The following ALK variants were observed in gnomAD, a reference collection of about 807,000 sequenced individuals.
ALK encodes ALK tyrosine kinase receptor.
Under a neutral mutation model 163.1 loss-of-function variants are expected in ALK, and 74 were observed. The ratio of observed to expected loss-of-function variants is 0.45; its 90% CI spans 0.38 to 0.55. The LOEUF is 0.55. Ranked by LOEUF, ALK falls within the 20% of genes least tolerant of loss-of-function variation. The pLI, the probability that ALK is intolerant of heterozygous loss-of-function variation, is 0.00. For synonymous variants in ALK, 960 were observed against 843.2 expected, an observed-to-expected ratio of 1.14 and a Z score of -2.40; for missense variants, 2,063 against 2,105.3, an observed-to-expected ratio of 0.98 and a Z score of 0.39.
chr2:29,739,147 G>A (rs1310879304), intron 1 of ALK, among the ~76,000 whole-genome samples: 2 of 148,046 alleles, frequency 1.4e-5, no homozygotes, highest in African/African-American at 2.5e-5. Flanking sequence ...CCTGAAGCAG[G>A]GAGATCACTG....
chr2:29,874,671 G>T (rs1448171693), intron 1 of ALK, among the ~76,000 whole-genome samples: 1 of 152,146 alleles, frequency 6.6e-6, no homozygotes, highest in Non-Finnish European at 1.5e-5. Context: ...AAATATACAT[G>T]GGAAAATCAT....
chr2:29,871,754 A>G (rs1211594825), intron 1 of ALK, among the ~76,000 whole-genome samples: 4 of 152,226 alleles, frequency 2.6e-5, no homozygotes, highest in Non-Finnish European at 4.4e-5. Context: ...ACATAGGAGA[A>G]AAACTGAAGT....
In ALK at chr2:29,920,049, A is replaced by C. The variant is rs1426655261; in HGVS notation, c.611T>G (p.Leu204Arg). 1.2e-6 allele frequency: 2 copies of C among 1,614,056 alleles called. No homozygotes were observed. Among genetic ancestry groups the C allele is most frequent in the African/African-American group, 1.3e-5 (1 of 74,960 alleles). ...CTGGGAGGCGCGAATTGCCGCGGAC[A>C]GCCTTCCCTCTCTGCCCACTTCCGA... is the stretch of plus-strand genomic sequence containing the variant. ...KASEVGREGR[L>R]SAAIRASQPR... Residue 204 changes from leucine (L) to arginine (R), a missense_variant, in exon 1 of 29, where the codon CTG (leucine) becomes CGG (arginine). Leu to Arg is a moderately radical substitution (Grantham distance 102, BLOSUM62 -2). Around this residue, in one of 5 missense-constraint regions of ALK, gnomAD observed 987 missense variants for 939.5 expected, o/e 1.05. Coordinates refer to ENST00000389048, the MANE Select transcript of ALK (RefSeq NM_004304.5).
intron 3 of ALK, among the ~76,000 whole-genome samples, chr2:29,658,298 C>A (rs147926082): frequency 1.5e-4 from 23 of 152,300 alleles, no homozygotes; most frequent in Non-Finnish European, 3.1e-4. Context: ...TCTCACTGAT[C>A]AGCTTGGAGC....
chr2:29,249,907 A>G (rs1195915924), intron 12 of ALK, among the ~76,000 whole-genome samples: 3 of 152,208 alleles, frequency 2.0e-5, no homozygotes, highest in Non-Finnish European at 4.4e-5. Context: ...ATCTCGTTAT[A>G]GCATTTCTGC....
chr2:29,738,833 A>G (rs1480524180), intron 1 of ALK, among the ~76,000 whole-genome samples: 1 of 152,152 alleles, frequency 6.6e-6, no homozygotes, highest in Non-Finnish European at 1.5e-5. Flanking sequence ...ATGAAACCAT[A>G]GTCAGAACAC....
In ALK at chr2:29,407,662, T is replaced by C. The variant is rs566178707; in HGVS notation, c.1155-23803A>G. On this transcript the variant is annotated intron_variant, in intron 4 of 28. Transcript: ENST00000389048. ...CAAAGTAAGGGAGTAGGTCTAGGGC[T>C]TTCCTTGGTCCATTCAGTTCTCACA... 1.8e-4 allele frequency among the ~76,000 whole-genome samples: 28 copies of C among 152,352 alleles called. 1 individual carries two copies. In the South Asian group the frequency reaches 5.6e-3, roughly 30 times the overall value.
At chr2:29,481,435 C>T (rs1330496260) in intron 4 of ALK, among the ~76,000 whole-genome samples, 1 of 152,204 alleles carries the variant, frequency 6.6e-6, no homozygotes, top group Non-Finnish European at 1.5e-5. Flanking sequence ...ATACACTTCA[C>T]ATTTAATTTG....
At chr2:29,755,322 C>T (rs1336025966) in intron 1 of ALK, among the ~76,000 whole-genome samples, 2 of 152,196 alleles carry the variant, frequency 1.3e-5, no homozygotes, top group Non-Finnish European at 2.9e-5. Flanking sequence ...ATGACTTTGC[C>T]AGGAAGCTCT....
At chr2:29,735,020 TA>T (rs1440470277) in intron 1 of ALK, among the ~76,000 whole-genome samples, 6 of 152,240 alleles carry the variant, frequency 3.9e-5, no homozygotes, top group African/African-American at 1.4e-4. Context: ...TGGATCATTT[TA>T]TTTTTTTATT....
intron 4 of ALK, among the ~76,000 whole-genome samples, chr2:29,417,752 T>A (rs1669915537): frequency 6.6e-6 from 1 of 152,204 alleles, no homozygotes; most frequent in Admixed American, 6.5e-5. Flanking sequence ...CTCAGGGCTA[T>A]CCCATCCTTT....
intron 1 of ALK, among the ~76,000 whole-genome samples, chr2:29,881,447 A>G (rs1403781489): frequency 2.6e-5 from 4 of 152,222 alleles, no homozygotes; most frequent in Admixed American, 6.5e-5. Context: ...TCCAGGATGC[A>G]AGAAAGATAG....
intron 23 of ALK, among the ~76,000 whole-genome samples, chr2:29,214,459 C>CAA (rs1669548251): frequency 3.3e-5 from 5 of 152,296 alleles, no homozygotes; most frequent in Admixed American, 2.6e-4. Context: ...TGAATACCCC[C>CAA]AATTTATAAA....
chr2:29,510,408 C>T (rs958464765), intron 4 of ALK, among the ~76,000 whole-genome samples: 4 of 152,110 alleles, frequency 2.6e-5, no homozygotes, highest in African/African-American at 9.7e-5. Flanking sequence ...AAGCATAAAA[C>T]ATGGCCCCAA....
At chr2:29,516,482 G>A (rs1672669263) in intron 4 of ALK, among the ~76,000 whole-genome samples, 1 of 152,218 alleles carries the variant, frequency 6.6e-6, no homozygotes, top group Admixed American at 6.5e-5. Context: ...ATGTCGGGGA[G>A]ATGGTCTCTT....
intron 23 of ALK, among the ~76,000 whole-genome samples, chr2:29,217,195 T>A (rs1319061333): frequency 6.6e-6 from 1 of 150,490 alleles, no homozygotes; most frequent in Non-Finnish European, 1.5e-5. Context: ...ACATGTGTGG[T>A]GTTTTGTGTG....
At chr2:29,690,701 C>G (rs1334225658) in intron 3 of ALK, among the ~76,000 whole-genome samples, 1 of 152,090 alleles carries the variant, frequency 6.6e-6, no homozygotes, top group Non-Finnish European at 1.5e-5. Flanking sequence ...TTGTATCTTC[C>G]TTATTATTCT....
In ALK at chr2:29,695,021, T is replaced by C. The variant is rs770622974; in HGVS notation, c.788-7A>G. 6 of 1,613,888 alleles carry C rather than the reference T, an allele frequency of 3.7e-6. No individual in the cohort carries two copies. The highest frequency in any genetic ancestry group is 1.6e-4 in the Middle Eastern group (1 of 6,080). ...TCAAAGCTGCACTCCAGACCTGCAA[T>C]AATAGCCAAGGGTCAATGGAAAAAA... On this transcript the variant is annotated splice_region_variant and splice_polypyrimidine_tract_variant and intron_variant, in intron 2 of 28. Transcript: ENST00000389048.
chr2:29,817,512 C>T (rs529086100), intron 1 of ALK, among the ~76,000 whole-genome samples: 1 of 152,176 alleles, frequency 6.6e-6, no homozygotes, highest in Admixed American at 6.5e-5. Flanking sequence ...TGGAGGGGAC[C>T]CGCAGGTTGG....
Sources: gnomAD v4.1 joint callset for allele counts (sites outside exome capture counted in the v4.1 genomes callset) on GRCh38, gnomAD v4.1.1 for gene constraint, gnomAD v4.1.1 regional missense constraint, MANE v1.5 for transcripts, NCBI Gene and HGNC (gene_info 2026-07-23, HGNC 2026-07-21) for gene names.